The following CADM2 variants were observed in gnomAD, a reference collection of about 807,000 sequenced individuals.
The protein encoded by CADM2 is cell adhesion molecule 2.
Under a neutral mutation model 49.8 loss-of-function variants are expected in CADM2, and 12 were observed. That is an observed-to-expected ratio of 0.24 (90% CI 0.15 to 0.39). The LOEUF (loss-of-function observed/expected upper bound fraction) is 0.39. Ranked by LOEUF, CADM2 falls within the 10% of genes least tolerant of loss-of-function variation. The pLI, the probability that CADM2 is intolerant of heterozygous loss-of-function variation, is 1.00. For missense variants in CADM2, 378 were observed against 492.3 expected (o/e 0.77, Z 2.20); for synonymous variants, 214 against 175.4 (o/e 1.22, Z -1.74).
intron 1 of CADM2, among the ~76,000 whole-genome samples, chr3:85,056,838 G>T (rs551509440): frequency 6.6e-6 from 1 of 152,072 alleles, no homozygotes; most frequent in East Asian, 1.9e-4. Flanking sequence ...TCATATAGAC[G>T]CTGAAAAAAG....
chr3:85,530,929 G>A (rs1173841698), intron 1 of CADM2, among the ~76,000 whole-genome samples: 1 of 148,502 alleles, frequency 6.7e-6, no homozygotes, highest in Non-Finnish European at 1.5e-5. Flanking sequence ...TCATTATTGT[G>A]GAATGTCAGG....
At chr3:85,950,696 G>A (rs1315327384) in intron 7 of CADM2, among the ~76,000 whole-genome samples, 1 of 150,976 alleles carries the variant, frequency 6.6e-6, no homozygotes, top group Non-Finnish European at 1.5e-5. Flanking sequence ...GAATCAAGTA[G>A]CACATGCTGA....
chr3:85,003,427 G>A (rs1228394926), intron 1 of CADM2, among the ~76,000 whole-genome samples: 10 of 152,064 alleles, frequency 6.6e-5, no homozygotes, highest in Non-Finnish European at 1.3e-4. Flanking sequence ...AGCTAGAAAA[G>A]TAACTGAAAG....
chr3:85,687,796 C>T (rs1381638710), intron 1 of CADM2, among the ~76,000 whole-genome samples: 1 of 152,148 alleles, frequency 6.6e-6, no homozygotes, highest in Non-Finnish European at 1.5e-5. Context: ...CAAGGGTCCC[C>T]ACACTGCTTG....
At chr3:85,523,942 G>T (rs953368825) in intron 1 of CADM2, among the ~76,000 whole-genome samples, 1 of 152,022 alleles carries the variant, frequency 6.6e-6, no homozygotes, top group Non-Finnish European at 1.5e-5. Context: ...TCATTCATTG[G>T]TTGTCTAAAT....
intron 1 of CADM2, among the ~76,000 whole-genome samples, chr3:85,153,229 C>A (rs1191835731): frequency 6.6e-6 from 1 of 152,104 alleles, no homozygotes; most frequent in African/African-American, 2.4e-5. Flanking sequence ...TGGGTGCGCG[C>A]ACCCTGCGCG....
At chr3:85,371,677 G>GTGTGTGTATA (rs1251505613) in intron 1 of CADM2, among the ~76,000 whole-genome samples, 152 of 95,116 alleles carry the variant, frequency 1.6e-3, no homozygotes, top group African/African-American at 3.9e-3. Context: ...GTGTGTGTGT[G>GTGTGTGTATA]TATATATATA....
At chr3:85,869,150 T>C (rs1339342763) in intron 3 of CADM2, among the ~76,000 whole-genome samples, 2 of 152,194 alleles carry the variant, frequency 1.3e-5, no homozygotes, top group African/African-American at 4.8e-5. Context: ...TCTGTTATGG[T>C]AATGCTAACC....
intron 1 of CADM2, among the ~76,000 whole-genome samples, chr3:85,359,666 A>ATATATATATATATATATATATATATATT: frequency 1.5e-4 from 4 of 26,556 alleles, no homozygotes; most frequent in Admixed American, 5.8e-4. Flanking sequence ...ATATATATAT[A>ATATATATATATATATATATATATATATT]TTTTTTTTTT....
intron 1 of CADM2, among the ~76,000 whole-genome samples, chr3:85,475,109 C>T (rs1476583388): frequency 2.0e-5 from 3 of 151,864 alleles, no homozygotes; most frequent in Admixed American, 6.6e-5. Flanking sequence ...TTTTTCCTCC[C>T]ATGGAGTCTG....
chr3:85,976,171 A>G (rs1726757468), intron 8 of CADM2, among the ~76,000 whole-genome samples: 2 of 151,530 alleles, frequency 1.3e-5, no homozygotes, highest in South Asian at 4.1e-4. Flanking sequence ...TTTAAGCGGT[A>G]TCATTTTACA....
At chr3:85,447,156 G>T (rs1315887606) in intron 1 of CADM2, among the ~76,000 whole-genome samples, 1 of 151,248 alleles carries the variant, frequency 6.6e-6, no homozygotes, top group Non-Finnish European at 1.5e-5. Context: ...CCCCAGAGGA[G>T]TACCTCTATA....
chr3:85,068,716 A>T (rs920378400), intron 1 of CADM2, among the ~76,000 whole-genome samples: 1 of 152,156 alleles, frequency 6.6e-6, no homozygotes, highest in Non-Finnish European at 1.5e-5. Context: ...CATCTGTAAG[A>T]TACAGAATAC....
At chr3:85,364,559 A>G (rs2032604458) in intron 1 of CADM2, among the ~76,000 whole-genome samples, 1 of 152,226 alleles carries the variant, frequency 6.6e-6, no homozygotes, top group South Asian at 2.1e-4. Flanking sequence ...AATGGCAAGC[A>G]GAATGAGAGA....
chr3:85,426,454 AT>A (rs1186740038), intron 1 of CADM2, among the ~76,000 whole-genome samples: 5 of 152,172 alleles, frequency 3.3e-5, no homozygotes, highest in East Asian at 1.9e-4. Context: ...TTTTAAAAAA[AT>A]ATCAATATGT....
chr3:85,999,079 A>G (rs1237315863), intron 8 of CADM2, among the ~76,000 whole-genome samples: 1 of 152,220 alleles, frequency 6.6e-6, no homozygotes, highest in Non-Finnish European at 1.5e-5. Context: ...AAGCTTTGCA[A>G]TAGCCAAGTG....
In CADM2 at chr3:85,232,134, A is replaced by ATATTATTATTAT. The variant is rs10575918; in HGVS notation, c.61+272486_61+272497dup. 1.4e-3 allele frequency among the ~76,000 whole-genome samples: 199 copies of ATATTATTATTAT among 146,380 alleles called. 1 individual carries two copies. Among genetic ancestry groups the ATATTATTATTAT allele is most frequent in the African/African-American group, 4.8e-3 (192 of 40,316 alleles). Reference sequence around the variant, plus strand: ...TTGTGTTATTTTGTTCGATTTGAAGATATTATTATTATTATTATTATTATT... The same window carrying ATATTATTATTAT: ...TTGTGTTATTTTGTTCGATTTGAAGATATTATTATTATTATTATTATTATTATTATTATTATT... On this transcript the variant is annotated intron_variant, in intron 1 of 9. Coordinates refer to ENST00000383699, the MANE Select transcript of CADM2 (RefSeq NM_001167675.2).
intron 8 of CADM2, chr3:86,012,991 CT>C: frequency 2.2e-6 from 2 of 894,608 alleles, no homozygotes; most frequent in Non-Finnish European, 3.7e-6. Flanking sequence ...AAACAAAAAC[CT>C]GATCAGCTAA....
At chr3:85,292,243 C>G (rs1187074916) in intron 1 of CADM2, among the ~76,000 whole-genome samples, 1 of 149,216 alleles carries the variant, frequency 6.7e-6, no homozygotes, top group Non-Finnish European at 1.5e-5. Flanking sequence ...AGCTAACTAT[C>G]CTAAATATAT....
Sources: gnomAD v4.1 joint callset for allele counts (sites outside exome capture counted in the v4.1 genomes callset) on GRCh38, gnomAD v4.1.1 for gene constraint, MANE v1.5 for transcripts, NCBI Gene and HGNC (gene_info 2026-07-23, HGNC 2026-07-21) for gene names.